The following PSME4 variants were observed in gnomAD, a reference collection of about 807,000 sequenced individuals.
PSME4 encodes the protein proteasome activator subunit 4.
In PSME4, 89 loss-of-function variants were observed where a neutral mutation model predicts 253.9. The ratio of observed to expected loss-of-function variants is 0.35; its 90% CI spans 0.30 to 0.42. The LOEUF (loss-of-function observed/expected upper bound fraction) is 0.42, where lower values mean the gene tolerates loss of function less well. Ranked by LOEUF, PSME4 falls within the 10% of genes least tolerant of loss-of-function variation. PSME4 has a pLI of 1.00. For missense variants in PSME4, 2,014 were observed against 2,195.2 expected (o/e 0.92, Z 1.65); for synonymous variants, 851 against 759.2 (o/e 1.12, Z -1.99).
At position 53,874,319 on chromosome 2, in the gene PSME4, T is replaced by G; in HGVS notation, c.5100+20A>C. The G allele has an allele frequency of 6.3e-7, 1 of 1,597,818 alleles. No homozygotes were observed. Among genetic ancestry groups the G allele is most frequent in the Non-Finnish European group, 8.5e-7 (1 of 1,174,266 alleles). ...TCTTTAAATTGACTGAATTTCCGTTTTCTATAACTTAAATTTTACCTCCAG... is the reference window on the plus strand; with the variant it reads ...TCTTTAAATTGACTGAATTTCCGTTGTCTATAACTTAAATTTTACCTCCAG... On this transcript the variant is annotated intron_variant, in intron 43 of 46. Coordinates refer to ENST00000404125, the MANE Select transcript of PSME4 (RefSeq NM_014614.3).
chr2:53,969,872 A>G (rs1670958550), intron 1 of PSME4, among the ~76,000 whole-genome samples: 1 of 152,154 alleles, frequency 6.6e-6, no homozygotes, highest in Non-Finnish European at 1.5e-5. Flanking sequence ...AGTATCTTAA[A>G]TGTCTCTCCA....
chr2:53,909,963 C>A, intron 21 of PSME4, 112 bp downstream of exon 21: 1 of 943,938 alleles, frequency 1.1e-6, no homozygotes, highest in Non-Finnish European at 1.7e-6. Context: ...GAGTGAGACT[C>A]TGTCTCAAAA....
At chr2:53,880,891 C>A (rs1014379822) in intron 41 of PSME4, among the ~76,000 whole-genome samples, 2 of 152,090 alleles carry the variant, frequency 1.3e-5, no homozygotes, top group African/African-American at 4.8e-5. Flanking sequence ...GGGTAGTTAA[C>A]TGTGGTATAA....
At chr2:53,898,258 T>C in intron 30 of PSME4, 43 bp downstream of exon 30, 1 of 1,547,884 alleles carries the variant, frequency 6.5e-7, no homozygotes, top group Non-Finnish European at 8.8e-7. Context: ...CTATAGTATT[T>C]ATGAAAAATG....
intron 4 of PSME4, among the ~76,000 whole-genome samples, 157 bp from the exon 5 acceptor site, chr2:53,937,697 A>G (rs1270917905): frequency 6.6e-6 from 1 of 152,136 alleles, no homozygotes; most frequent in Non-Finnish European, 1.5e-5. Context: ...CATTTTCACA[A>G]TACTAAAATA....
chr2:53,890,087 G>C lies in PSME4; in HGVS notation c.4296+17C>G. 6.4e-7 allele frequency: 1 copy of C among 1,565,728 alleles called. No homozygotes were observed. Among genetic ancestry groups the C allele is most frequent in the Non-Finnish European group, 8.8e-7 (1 of 1,136,348 alleles). The stretch of plus-strand genomic sequence containing the variant: ...TGAATAGATCAGTTAGACAAAGAAA[G>C]ATGTAGGGTAACTTACACAGGATGT... On this transcript the variant is annotated intron_variant, in intron 37 of 46. Coordinates refer to ENST00000404125, the MANE Select transcript of PSME4 (RefSeq NM_014614.3).
chr2:53,937,179 T>A (rs1306622918), intron 5 of PSME4, among the ~76,000 whole-genome samples: 1 of 152,220 alleles, frequency 6.6e-6, no homozygotes, highest in Non-Finnish European at 1.5e-5. Context: ...TTTCTCTTAA[T>A]TTCTTAAAGC....
chr2:53,897,848 G>C, intron 31 of PSME4, 22 bp downstream of exon 31: 2 of 1,609,840 alleles, frequency 1.2e-6, no homozygotes, highest in Non-Finnish European at 1.7e-6. Flanking sequence ...ACCCAAGACT[G>C]TAGCTAAAAC....
intron 26 of PSME4, among the ~76,000 whole-genome samples, chr2:53,905,001 AAG>A (rs1340297437): frequency 6.7e-6 from 1 of 149,860 alleles, no homozygotes; most frequent in African/African-American, 2.5e-5. Flanking sequence ...CAAACAAAAA[AAG>A]AGTTTGAAAT....
chr2:53,908,234 T>C, intron 24 of PSME4, 86 bp downstream of exon 24: 3 of 1,020,340 alleles, frequency 2.9e-6, no homozygotes, highest in Non-Finnish European at 4.2e-6. Flanking sequence ...GGAAAACTTC[T>C]TCTATATGCT....
At chr2:53,942,030 G>C (rs1394494640) in intron 3 of PSME4, 1 of 152,526 alleles carries the variant, frequency 6.6e-6, no homozygotes, top group African/African-American at 2.4e-5. Context: ...TCACTTATTA[G>C]AGGATTAGGG....
chr2:53,952,795 C>T (rs532639028), intron 1 of PSME4, among the ~76,000 whole-genome samples: 2 of 152,152 alleles, frequency 1.3e-5, no homozygotes, highest in Non-Finnish European at 2.9e-5. Flanking sequence ...GGACCTCAGG[C>T]GGTAATGCCC....
At chr2:53,876,972 G>C (rs1012345923) in intron 41 of PSME4, among the ~76,000 whole-genome samples, 2 of 151,444 alleles carry the variant, frequency 1.3e-5, no homozygotes, top group African/African-American at 4.8e-5. Context: ...ATCTTCCTGC[G>C]CTGGCCTCCC....
At chr2:53,925,045 G>T (rs1359767298) in intron 14 of PSME4, among the ~76,000 whole-genome samples, 4 of 152,170 alleles carry the variant, frequency 2.6e-5, no homozygotes, top group Admixed American at 2.6e-4. Context: ...ACCTAGCACA[G>T]TGTTTTTTCC....
Position 53,908,506 on chromosome 2 carries a change from G to T in PSME4, c.2685+4C>A. The T allele has an allele frequency of 6.2e-7, 1 of 1,610,522 alleles. No individual in the cohort carries two copies. Among genetic ancestry groups the T allele is most frequent in the South Asian group, 1.1e-5 (1 of 90,326 alleles). On this transcript the variant is annotated splice_donor_region_variant and intron_variant, in intron 23 of 46. Coordinates refer to ENST00000404125, the MANE Select transcript of PSME4 (RefSeq NM_014614.3). The stretch of plus-strand genomic sequence containing the variant: ...ATTATGCAACTATCAAATGACAAAT[G>T]TACCTTTATAATAAGAAACAATGAC...
rs1232361411 is a variant in PSME4, at chr2:53,901,350, T to C, written c.3285A>G (p.Thr1095=). The stretch of plus-strand genomic sequence containing the variant: ...TGAATGAAAGAATGATATTGCTTAC[T>C]GTGAAGTCCAAGCCAATTGTTTCAT... ...RQYETIGLDF[T]IPKSCVEIAE... The change falls in exon 28 of 47, where the codon ACA becomes ACG. Residue 1095 remains threonine (T), a splice_region_variant and synonymous_variant. Transcript: ENST00000404125. 2 of 1,606,972 alleles carry C rather than the reference T, an allele frequency of 1.2e-6. No individual in the cohort carries two copies. Among genetic ancestry groups the C allele is most frequent in the Admixed American group, 3.3e-5 (2 of 60,012 alleles).
At chr2:53,902,443 A>G (rs561614423) in intron 27 of PSME4, among the ~76,000 whole-genome samples, 6 of 152,116 alleles carry the variant, frequency 3.9e-5, no homozygotes, top group African/African-American at 1.2e-4. Context: ...TTGATTTCCA[A>G]TTTACCTCAC....
At chr2:53,953,466 A>G (rs1243870884) in intron 1 of PSME4, among the ~76,000 whole-genome samples, 5 of 146,506 alleles carry the variant, frequency 3.4e-5, no homozygotes, top group Non-Finnish European at 7.5e-5. Flanking sequence ...CCTGAGCAAC[A>G]TGGTGAAACC....
At chr2:53,931,261 A>T (rs1019425352) in intron 10 of PSME4, among the ~76,000 whole-genome samples, 2 of 151,940 alleles carry the variant, frequency 1.3e-5, no homozygotes, top group Non-Finnish European at 2.9e-5. Context: ...CTACAGCAAA[A>T]TTTCATCTCA....
Sources: gnomAD v4.1 joint callset for allele counts (sites outside exome capture counted in the v4.1 genomes callset) on GRCh38, gnomAD v4.1.1 for gene constraint, MANE v1.5 for transcripts, NCBI Gene and HGNC (gene_info 2026-07-23, HGNC 2026-07-21) for gene names.